The following HYAL2 variants were observed in gnomAD, a reference collection of about 807,000 sequenced individuals.
The protein encoded by HYAL2 is hyaluronidase 2.
Under a neutral mutation model 35.4 loss-of-function variants are expected in HYAL2, and 30 were observed. The ratio of observed to expected loss-of-function variants is 0.85; its 90% confidence interval spans 0.63 to 1.15. The LOEUF (loss-of-function observed/expected upper bound fraction) is 1.15, where lower values mean the gene tolerates loss of function less well. Among genes scored for constraint, HYAL2 ranks in the 50% most tolerant of loss-of-function variants. HYAL2 has a pLI of 0.00. For missense variants in HYAL2, 635 were observed against 646.5 expected (o/e 0.98, Z 0.19); for synonymous variants, 262 against 252.8 (o/e 1.04, Z -0.34).
In HYAL2 at chr3:50,320,315, C is replaced by T; in HGVS notation, c.175G>A (p.Ala59Thr). 1.9e-6 allele frequency: 3 copies of T among 1,614,020 alleles called. No homozygotes were observed. The highest frequency in any genetic ancestry group is 2.5e-6 in the Non-Finnish European group (3 of 1,180,010). ...PRLKVPLDLN[A>T]FDVQASPNEG... ...TTAGGTGAGGCCTGCACATCAAAGG[C>T]ATTCAGGTCCAGTGGCACCTTGAGG... Residue 59 changes from alanine (A) to threonine (T), a missense_variant, in exon 2 of 4, where the codon GCC (alanine) becomes ACC (threonine). Coordinates refer to ENST00000357750, the MANE Select transcript of HYAL2 (RefSeq NM_003773.5). The surrounding 1 kb of genome is among the most constrained non-coding windows in gnomAD (Gnocchi z 4.8).
Position 50,318,809 on chromosome 3 carries a change from ACCT to A in HYAL2, c.1011+144_1011+146del, listed in dbSNP as rs782176371. On this transcript the variant is annotated intron_variant, in intron 3 of 3. Coordinates refer to ENST00000357750, the MANE Select transcript of HYAL2 (RefSeq NM_003773.5). This position sits in a 1 kb window ranked among gnomAD's most constrained non-coding sequence, Gnocchi z 4.5. ...CTTTCCTGAGAGCAGGGCCGGGGTGACCTCCTCCTGTTGCCACCAGGGATGCCT... is the reference window on the plus strand; with the variant it reads ...CTTTCCTGAGAGCAGGGCCGGGGTGACCTCCTGTTGCCACCAGGGATGCCT... 2.8e-5 allele frequency: 21 copies of A among 750,168 alleles called. No homozygotes were observed. Among genetic ancestry groups the A allele is most frequent in the Non-Finnish European group, 4.8e-5 (21 of 435,902 alleles). The allele number at this position is 750,168 out of a possible 1,614,324, so 46.5% of individuals were successfully genotyped here.
In HYAL2 at chr3:50,322,599, G is replaced by A. The variant is rs1553716887; in HGVS notation, c.-47+54C>T. ...CCGGGCGCCAGGAGAGGGAGGGAGT[G>A]CAACTGCGAGCGCATCTGTGGGGGT... On this transcript the variant is annotated intron_variant, in intron 1 of 3. Transcript: ENST00000357750. The surrounding 1 kb of genome is among the most constrained non-coding windows in gnomAD (Gnocchi z 5.5). The A allele has an allele frequency of 6.6e-6, 1 of 152,284 alleles. No homozygotes were observed. Among genetic ancestry groups the A allele is most frequent in the East Asian group, 1.9e-4 (1 of 5,190 alleles). 9.4% of individuals were successfully genotyped at this position (152,284 alleles called of 1,614,324 possible).
At chr3:50,321,166 G>C (rs1346019095) in intron 1 of HYAL2, 3 of 152,112 alleles carry the variant, frequency 2.0e-5, no homozygotes, top group Non-Finnish European at 4.4e-5. Context: ...GCGCGCGCTC[G>C]CCTCCCCCGC....
rs782813686 is a variant in HYAL2 at position 50,319,947 on chromosome 3, G to C, written c.543C>G (p.Phe181Leu). 2 of 1,613,506 alleles carry C rather than the reference G, an allele frequency of 1.2e-6. No individual in the cohort carries two copies. Among genetic ancestry groups the C allele is most frequent in the African/African-American group, 2.7e-5 (2 of 74,936 alleles). The change falls in exon 2 of 4, where the codon TTC (phenylalanine) becomes TTG (leucine). Residue 181 changes from phenylalanine (F) to leucine (L), a missense_variant. By Grantham distance (22) the Phe-to-Leu change is conservative. Coordinates refer to ENST00000357750, the MANE Select transcript of HYAL2 (RefSeq NM_003773.5). ...TCTCCAGCATGAACTGCTGTGCTGC[G>C]AACTCAAACTCATATTGTGCCTGTT... ...IVKQAQYEFE[F>L]AAQQFMLETL...
chr3:50,318,208 C>T lies in HYAL2; in HGVS notation c.1343G>A (p.Gly448Asp), dbSNP rs781931505. Residue 448 changes from glycine (G) to aspartate (D), a missense_variant, in exon 4 of 4, where the codon GGT becomes GAT. Transcript: ENST00000357750. This position sits in a 1 kb window ranked among gnomAD's most constrained non-coding sequence, Gnocchi z 4.5. ...GGACCCAGCCCAGGCCTCGCTGGCA[C>T]CTCCAGCTGCCTGCCTATGGTCCCA... ...CQWDHRQAAG[G>D]ASEAWAGSHL... 1.1e-5 allele frequency: 17 copies of T among 1,613,212 alleles called. No individual in the cohort carries two copies. The highest frequency in any genetic ancestry group is 1.4e-5 in the Non-Finnish European group (17 of 1,179,970).
intron 1 of HYAL2, chr3:50,321,503 A>G (rs1702696781): frequency 6.6e-6 from 1 of 151,534 alleles, no homozygotes; most frequent in Non-Finnish European, 1.5e-5. Context: ...CTGGCCCTTT[A>G]AGACTCCAGT....
Position 50,320,462 on chromosome 3 carries a change from T to C in HYAL2, c.28A>G (p.Thr10Ala), listed in dbSNP as rs1048448022. The C allele has an allele frequency of 6.4e-7, 1 of 1,567,136 alleles. No homozygotes were observed. The highest frequency in any genetic ancestry group is 8.7e-7 in the Non-Finnish European group (1 of 1,155,370). The change falls in exon 2 of 4, where the codon ACA becomes GCA. Residue 10 changes from threonine to alanine, a missense_variant. Coordinates refer to ENST00000357750, the MANE Select transcript of HYAL2 (RefSeq NM_003773.5). This position sits in a 1 kb window ranked among gnomAD's most constrained non-coding sequence, Gnocchi z 4.8. The part of the protein sequence containing the change: MRAGPGPTV[T>A]LALVLAVSWA... The stretch of plus-strand genomic sequence containing the variant: ...GACACCGCCAGCACCAGGGCCAATG[T>C]AACGGTGGGGCCTGGGCCTGCCCGC...
In HYAL2 at chr3:50,317,824, T is replaced by A. The variant is rs782053059; in HGVS notation, c.*305A>T. Reference sequence around the variant, plus strand: ...AAGCAGAGAAGCAATTGTTTTATGTTTAATTTACAAAAGAGACCCCAAAAT... The same window carrying A: ...AAGCAGAGAAGCAATTGTTTTATGTATAATTTACAAAAGAGACCCCAAAAT... On this transcript the variant is annotated 3_prime_UTR_variant, in exon 4 of 4. Coordinates refer to ENST00000357750, the MANE Select transcript of HYAL2 (RefSeq NM_003773.5). The A allele has an allele frequency of 1.4e-5, 4 of 293,022 alleles. No individual in the cohort carries two copies. Among genetic ancestry groups the A allele is most frequent in the Non-Finnish European group, 2.5e-5 (4 of 158,902 alleles). The allele number at this position is 293,022 out of a possible 1,614,324, so 18.2% of individuals were successfully genotyped here. A position where few individuals can be genotyped will look rare whatever the true frequency, so the allele number is the denominator to read the frequency against.
In HYAL2 at chr3:50,318,621, G is replaced by C. The variant is rs782440067; in HGVS notation, c.1012-82C>G. ...CAGATGGAAACTGTGTCCACACTGTGATGACTATACCTTATTTTAACTGCA... is the reference window on the plus strand; with the variant it reads ...CAGATGGAAACTGTGTCCACACTGTCATGACTATACCTTATTTTAACTGCA... On this transcript the variant is annotated intron_variant, in intron 3 of 3. Coordinates refer to ENST00000357750, the MANE Select transcript of HYAL2 (RefSeq NM_003773.5). The surrounding 1 kb of genome is among the most constrained non-coding windows in gnomAD (Gnocchi z 4.5). 7.1e-6 allele frequency: 9 copies of C among 1,270,324 alleles called. No individual in the cohort carries two copies. The highest frequency in any genetic ancestry group is 1.0e-5 in the Non-Finnish European group (9 of 903,700). 78.7% of individuals were successfully genotyped at this position (1,270,324 alleles called of 1,614,324 possible).
In HYAL2 at chr3:50,320,187, T is replaced by C. The variant is rs1702654666; in HGVS notation, c.303A>G (p.Pro101=). The change falls in exon 2 of 4, where the codon CCA becomes CCG. Residue 101 remains proline (P), a synonymous_variant. Coordinates refer to ENST00000357750, the MANE Select transcript of HYAL2 (RefSeq NM_003773.5). The surrounding 1 kb of genome is among the most constrained non-coding windows in gnomAD (Gnocchi z 4.8). ...GGTGTGCCCAAAGGCTGACATTCTG[T>C]GGCACACCACCATGCACAGACCTTC... ...SAGRSVHGGV[P]QNVSLWAHRK... 1 of 1,613,818 alleles carries C rather than the reference T, an allele frequency of 6.2e-7. No homozygotes were observed. The highest frequency in any genetic ancestry group is 8.5e-7 in the Non-Finnish European group (1 of 1,180,056).
At position 50,320,669 on chromosome 3, in the gene HYAL2, C is replaced by A. The variant is rs1702667915; in HGVS notation, c.-46-134G>T. ...TGGCTGTAATAGGTTTGAGAGACCA[C>A]AGGCCACTGCAGGGCAGACAAGGCA... is the stretch of plus-strand genomic sequence containing the variant. On this transcript the variant is annotated intron_variant, in intron 1 of 3. Transcript: ENST00000357750. This position sits in a 1 kb window ranked among gnomAD's most constrained non-coding sequence, Gnocchi z 4.8. 3.3e-6 allele frequency: 2 copies of A among 597,388 alleles called. No individual in the cohort carries two copies. Among genetic ancestry groups the A allele is most frequent in the African/African-American group, 3.7e-5 (2 of 53,978 alleles). The allele number at this position is 597,388 out of a possible 1,614,324, so 37.0% of individuals were successfully genotyped here.
rs1702718846 is a variant in HYAL2, at chr3:50,322,413, T to C, written c.-47+240A>G. ...GGTCTCCCAGGGCCTCCATCCCGTA[T>C]CCAGCGCCCCCTACGCTCCACAGGC... On this transcript the variant is annotated intron_variant, in intron 1 of 3. Coordinates refer to ENST00000357750, the MANE Select transcript of HYAL2 (RefSeq NM_003773.5). This position sits in a 1 kb window ranked among gnomAD's most constrained non-coding sequence, Gnocchi z 5.5. 1 of 151,974 alleles carries C rather than the reference T, an allele frequency of 6.6e-6. No individual in the cohort carries two copies. The highest frequency in any genetic ancestry group is 2.4e-5 in the African/African-American group (1 of 41,366). The allele number at this position is 151,974 out of a possible 1,614,324, so 9.4% of individuals were successfully genotyped here.
At position 50,317,867 on chromosome 3, in the gene HYAL2, A is replaced by G; in HGVS notation, c.*262T>C. The G allele has an allele frequency of 7.3e-6, 3 of 408,392 alleles. No individual in the cohort carries two copies. Among genetic ancestry groups the G allele is most frequent in the Non-Finnish European group, 1.3e-5 (3 of 228,580 alleles). 25.3% of individuals were successfully genotyped at this position (408,392 alleles called of 1,614,324 possible). On this transcript the variant is annotated 3_prime_UTR_variant, in exon 4 of 4. Transcript: ENST00000357750. ...CCCAAAATAATAATAATAATAAACT[A>G]TCTAGGGCAAGGGAGTAGGGTCAGG...
At position 50,317,943 on chromosome 3, in the gene HYAL2, G is replaced by A. The variant is rs1553715759; in HGVS notation, c.*186C>T. 2 of 570,440 alleles carry A rather than the reference G, an allele frequency of 3.5e-6. No individual in the cohort carries two copies. The highest frequency in any genetic ancestry group is 3.1e-5 in the East Asian group (1 of 32,248). The allele number at this position is 570,440 out of a possible 1,614,324, so 35.3% of individuals were successfully genotyped here. ...CTTCCCCTCTGGCAGGGAGAGAAGG[G>A]GCCTCCCAGGGACTTCCCCTCCCCC... On this transcript the variant is annotated 3_prime_UTR_variant, in exon 4 of 4. Coordinates refer to ENST00000357750, the MANE Select transcript of HYAL2 (RefSeq NM_003773.5).
In HYAL2 at chr3:50,320,375, C is replaced by A. The variant is rs782718260; in HGVS notation, c.115G>T (p.Ala39Ser). The stretch of plus-strand genomic sequence containing the variant: ...CAGTCCTGTGTGGGCACGTCCCACG[C>A]TACCACAAAGGGCCGGCCAGTGAAG... ...PIFTGRPFVV[A>S]WDVPTQDCGP... The change falls in exon 2 of 4, where the codon GCG (alanine) becomes TCG (serine). Residue 39 changes from alanine (A) to serine (S), a missense_variant. Transcript: ENST00000357750. This position sits in a 1 kb window ranked among gnomAD's most constrained non-coding sequence, Gnocchi z 4.8. The A allele has an allele frequency of 6.2e-7, 1 of 1,613,014 alleles. No homozygotes were observed. Among genetic ancestry groups the A allele is most frequent in the Non-Finnish European group, 8.5e-7 (1 of 1,179,520 alleles).
chr3:50,319,515 G>C, intron 2 of HYAL2, 54 bp downstream of exon 2: 1 of 1,490,598 alleles, frequency 6.7e-7, no homozygotes, highest in Non-Finnish European at 9.1e-7. Flanking sequence ...TAACCCAAAT[G>C]TGCAGTGGAT....
In HYAL2 at chr3:50,318,671, C is replaced by G. The variant is rs782533860; in HGVS notation, c.1012-132G>C. 5 of 888,598 alleles carry G rather than the reference C, an allele frequency of 5.6e-6. No homozygotes were observed. The highest frequency in any genetic ancestry group is 5.1e-5 in the South Asian group (3 of 58,254). The allele number at this position is 888,598 out of a possible 1,614,324, so 55.0% of individuals were successfully genotyped here. A position where few individuals can be genotyped will look rare whatever the true frequency, so the allele number is the denominator to read the frequency against. ...ACACATTCATACATTCAATCTGCAC[C>G]TGAGCCACACAGTCCCTGCTCCTGC... is the stretch of plus-strand genomic sequence containing the variant. On this transcript the variant is annotated intron_variant, in intron 3 of 3. Transcript: ENST00000357750. The surrounding 1 kb of genome is among the most constrained non-coding windows in gnomAD (Gnocchi z 4.5).
rs1702653471 is a variant in HYAL2 at position 50,320,140 on chromosome 3, A to G, written c.350T>C (p.Val117Ala). Residue 117 changes from valine (V) to alanine (A), a missense_variant, in exon 2 of 4, where the codon GTG becomes GCG. Val to Ala is a moderately conservative substitution (Grantham distance 64). Transcript: ENST00000357750. This position sits in a 1 kb window ranked among gnomAD's most constrained non-coding sequence, Gnocchi z 4.8. Reference sequence around the variant, plus strand: ...CTCCTGTGTCCGAATGTAGTGCTCCACACGTTTCTGCAGCATCTTCCGGTG... The same window carrying G: ...CTCCTGTGTCCGAATGTAGTGCTCCGCACGTTTCTGCAGCATCTTCCGGTG... ...WAHRKMLQKRVEHYIRTQESA... is the reference protein window; with the variant it reads ...WAHRKMLQKRAEHYIRTQESA... 6.2e-7 allele frequency: 1 copy of G among 1,613,840 alleles called. No individual in the cohort carries two copies. The highest frequency in any genetic ancestry group is 8.5e-7 in the Non-Finnish European group (1 of 1,180,042).
Position 50,318,176 on chromosome 3 carries a change from T to G in HYAL2, c.1375A>C (p.Thr459Pro). The G allele has an allele frequency of 6.2e-7, 1 of 1,602,100 alleles. No individual in the cohort carries two copies. The highest frequency in any genetic ancestry group is 1.1e-5 in the South Asian group (1 of 89,502). Residue 459 changes from threonine (T) to proline (P), a missense_variant, in exon 4 of 4, where the codon ACC becomes CCC. Thr to Pro is a conservative substitution (Grantham distance 38). Coordinates refer to ENST00000357750, the MANE Select transcript of HYAL2 (RefSeq NM_003773.5). This position sits in a 1 kb window ranked among gnomAD's most constrained non-coding sequence, Gnocchi z 4.5. Reference protein sequence around the residue: ...ASEAWAGSHLTSLLALAALAF... With the variant: ...ASEAWAGSHLPSLLALAALAF... ...AGGGCTGCCAGAGCCAGCAGACTGGTGAGGTGGGACCCAGCCCAGGCCTCG... is the reference window on the plus strand; with the variant it reads ...AGGGCTGCCAGAGCCAGCAGACTGGGGAGGTGGGACCCAGCCCAGGCCTCG...
Sources: gnomAD v4.1 joint callset for allele counts on GRCh38, gnomAD v4.1.1 for gene constraint, Gnocchi (gnomAD v3.1) non-coding constraint, MANE v1.5 for transcripts, NCBI Gene and HGNC (gene_info 2026-07-23, HGNC 2026-07-21) for gene names.